SLC19A3: variants seen among roughly 807,000 people sequenced by gnomAD.
The protein encoded by SLC19A3 is thiamine transporter 2.
In SLC19A3, 31 loss-of-function variants were observed where a neutral mutation model predicts 40.2. That is an observed-to-expected ratio of 0.77 (90% CI 0.58 to 1.04). SLC19A3 has a LOEUF of 1.04. Among genes scored for constraint, SLC19A3 ranks in the 50% least tolerant of loss-of-function variants. The pLI is 0.00. For synonymous variants in SLC19A3, 212 were observed against 227.5 expected (o/e 0.93, Z 0.61); for missense variants, 592 against 596.7 (o/e 0.99, Z 0.08).
At chr2:227,693,183 A>T (rs367691206) in intron 4 of SLC19A3, among the ~76,000 whole-genome samples, 1 of 151,840 alleles carries the variant, frequency 6.6e-6, no homozygotes, top group Non-Finnish European at 1.5e-5. Context: ...TCTTCACAGA[A>T]ATAGAAAAAG....
At chr2:227,715,651 T>C (rs1183336454) in intron 1 of SLC19A3, among the ~76,000 whole-genome samples, 6 of 152,320 alleles carry the variant, frequency 3.9e-5, no homozygotes, top group Non-Finnish European at 7.4e-5. Context: ...CTGTTATGTC[T>C]ATGTTCAGAT....
rs1553571227 is a variant in SLC19A3, at chr2:227,698,865, A to G, written c.850T>C (p.Trp284Arg). The G allele has an allele frequency of 1.9e-6, 3 of 1,614,088 alleles. No homozygotes were observed. The highest frequency in any genetic ancestry group is 1.7e-6 in the Non-Finnish European group (2 of 1,180,038). The change falls in exon 3 of 6, where the codon TGG becomes CGG. Residue 284 changes from tryptophan (W) to arginine (R), a missense_variant. Physicochemically the swap from Trp to Arg is moderately radical, Grantham distance 101 (BLOSUM62 -3). Coordinates refer to ENST00000644224, the MANE Select transcript of SLC19A3 (RefSeq NM_025243.4). The stretch of plus-strand genomic sequence containing the variant: ...AAACCTGCTGTGGCGAAAGCCCACC[A>G]TAGAGACCAGTAGAAAAGACGTTTT... ...SSKRLFYWSLWWAFATAGFNQ... is the reference protein window; with the variant it reads ...SSKRLFYWSLRWAFATAGFNQ...
chr2:227,687,652 T>A, intron 5 of SLC19A3, 79 bp from the exon 6 acceptor site: 1 of 1,491,924 alleles, frequency 6.7e-7, no homozygotes, highest in Non-Finnish European at 9.2e-7. Context: ...TACTGTTGGT[T>A]TGCTTGGATT....
At chr2:227,692,970 C>T (rs74800339) in intron 4 of SLC19A3, among the ~76,000 whole-genome samples, 11,321 of 151,828 alleles carry the variant, frequency 0.075, 1,176 homozygotes, top group African/African-American at 0.24. Flanking sequence ...AGATAAAATA[C>T]CTAAGAATTA....
intron 2 of SLC19A3, 112 bp from the exon 3 acceptor site, chr2:227,699,676 A>G: frequency 1.1e-6 from 1 of 908,008 alleles, no homozygotes; most frequent in South Asian, 1.3e-5. Context: ...TTACGGAGAA[A>G]CATAATGAGA....
chr2:227,711,687 G>GA (rs1182495626), intron 1 of SLC19A3, among the ~76,000 whole-genome samples: 4 of 151,424 alleles, frequency 2.6e-5, no homozygotes, highest in African/African-American at 4.8e-5. Context: ...AATCTTAAAA[G>GA]AAAAAAAAGA....
intron 4 of SLC19A3, among the ~76,000 whole-genome samples, chr2:227,690,706 C>CAAAAAAAAAAAAAAAAAAAAAAAAAA (rs34163746): frequency 2.6e-5 from 1 of 39,166 alleles, no homozygotes; most frequent in African/African-American, 9.5e-5. Context: ...GACTCCATCT[C>CAAAAAAAAAAAAAAAAAAAAAAAAAA]AAAAAAAAAA....
At chr2:227,695,733 A>C (rs943922310) in intron 4 of SLC19A3, 156 bp downstream of exon 4, 1 of 715,472 alleles carries the variant, frequency 1.4e-6, no homozygotes, top group African/African-American at 1.8e-5. Context: ...AAATAGTTAA[A>C]TGAAAAGTTG....
At position 227,699,390 on chromosome 2, in the gene SLC19A3, C is replaced by T. The variant is rs780569649; in HGVS notation, c.325G>A (p.Val109Ile). Reference sequence around the variant, plus strand: ...GTGACCATCCCATAGAAGAACTCTACAACCTGCATGGTCTTCACTCCTTGG... The same window carrying T: ...GTGACCATCCCATAGAAGAACTCTATAACCTGCATGGTCTTCACTCCTTGG... ...FGQGVKTMQV[V>I]EFFYGMVTAA... Residue 109 changes from valine to isoleucine, a missense_variant, in exon 3 of 6, where the codon GTA (valine) becomes ATA (isoleucine). Transcript: ENST00000644224. The T allele has an allele frequency of 8.1e-5, 131 of 1,614,178 alleles. No individual in the cohort carries two copies. The Middle Eastern group carries it at 3.3e-3, about 41-fold the overall frequency.
At chr2:227,715,032 C>A (rs1405967550) in intron 1 of SLC19A3, among the ~76,000 whole-genome samples, 1 of 151,978 alleles carries the variant, frequency 6.6e-6, no homozygotes. Context: ...GTTGGTCAGG[C>A]TGGTTTTGAA....
chr2:227,703,340 G>A lies in SLC19A3; in HGVS notation c.-2-1020C>T, dbSNP rs1695782501. 6.6e-6 allele frequency among the ~76,000 whole-genome samples: 1 copy of A among 152,148 alleles called. No homozygotes were observed. The highest frequency in any genetic ancestry group is 2.4e-5 in the African/African-American group (1 of 41,430). ...ATCCAGTGGGTGGGGAGCTTTACTA[G>A]GGGTTGGGGAGGTAGGAAGGACCTA... On this transcript the variant is annotated intron_variant, in intron 1 of 5. Coordinates refer to ENST00000644224, the MANE Select transcript of SLC19A3 (RefSeq NM_025243.4). This position sits in a 1 kb window ranked among gnomAD's most constrained non-coding sequence, Gnocchi z 4.7.
At chr2:227,700,857 C>G in intron 2 of SLC19A3, 1 of 1,171,434 alleles carries the variant, frequency 8.5e-7, no homozygotes, top group Non-Finnish European at 1.1e-6. Context: ...ACTGGAGTTG[C>G]TGATCTGTAG....
chr2:227,707,515 G>A (rs191902078), intron 1 of SLC19A3, among the ~76,000 whole-genome samples: 102 of 152,124 alleles, frequency 6.7e-4, no homozygotes, highest in African/African-American at 2.3e-3. Context: ...ACCTGAAGGC[G>A]GAGGTTGCAA....
chr2:227,706,420 T>C (rs2106337292), intron 1 of SLC19A3: 1 of 1,231,120 alleles, frequency 8.1e-7, no homozygotes, highest in Non-Finnish European at 1.0e-6. Context: ...TCACCCATTA[T>C]TATAAGCTCT....
At position 227,695,732 on chromosome 2, in the gene SLC19A3, A is replaced by C. The variant is rs1695402230; in HGVS notation, c.1172+157T>G. Reference sequence around the variant, plus strand: ...GCAATATTCAGAGAGCAAATAGTTAAATGAAAAGTTGGCTTAGTTGTGTCT... The same window carrying C: ...GCAATATTCAGAGAGCAAATAGTTACATGAAAAGTTGGCTTAGTTGTGTCT... On this transcript the variant is annotated intron_variant, in intron 4 of 5. Transcript: ENST00000644224. 1.4e-5 allele frequency: 10 copies of C among 709,818 alleles called. No homozygotes were observed. The South Asian group carries it at 1.7e-4, about 12-fold the overall frequency. The allele number at this position is 709,818 out of a possible 1,614,324, so 44.0% of individuals were successfully genotyped here.
chr2:227,695,098 G>A (rs1695374399), intron 4 of SLC19A3, among the ~76,000 whole-genome samples: 1 of 152,116 alleles, frequency 6.6e-6, no homozygotes, highest in African/African-American at 2.4e-5. Context: ...ATACACGACT[G>A]CAGCTAAAGG....
At chr2:227,706,397 G>A in intron 1 of SLC19A3, 1 of 1,231,072 alleles carries the variant, frequency 8.1e-7, no homozygotes, top group Non-Finnish European at 1.0e-6. Flanking sequence ...AGTTACTCCT[G>A]TAGCAGTCAT....
At chr2:227,696,422 T>G (rs1277620603) in intron 3 of SLC19A3, among the ~76,000 whole-genome samples, 1 of 152,178 alleles carries the variant, frequency 6.6e-6, no homozygotes, top group Admixed American at 6.5e-5. Context: ...CAGTACAACA[T>G]GCAGGGATGG....
chr2:227,687,395 G>A lies in SLC19A3; in HGVS notation c.*2C>T, dbSNP rs763595744. 5.6e-6 allele frequency: 9 copies of A among 1,605,760 alleles called. No homozygotes were observed. The Admixed American group carries it at 1.2e-4, about 21-fold the overall frequency. ...GCCACTGTTGCGTTTGTTGCGATGA[G>A]GTTAGAGTTTTGTTGACATGATGAT... On this transcript the variant is annotated 3_prime_UTR_variant, in exon 6 of 6. Transcript: ENST00000644224.
Sources: allele counts gnomAD v4.1 joint callset (sites outside exome capture counted in the v4.1 genomes callset), GRCh38; gene constraint gnomAD v4.1.1; non-coding constraint Gnocchi (gnomAD v3.1); transcripts MANE v1.5; gene names NCBI Gene and HGNC (gene_info 2026-07-23, HGNC 2026-07-21).